The following STAG1 variants were observed in gnomAD, a reference collection of about 807,000 sequenced individuals.
STAG1 encodes the protein cohesin subunit SA-1.
STAG1 carries 26 observed loss-of-function variants against 170.9 expected under a neutral mutation model. The observed-to-expected ratio is 0.15, with a 90% confidence interval of 0.11 to 0.21. STAG1 has a LOEUF of 0.21. Ranked by LOEUF, STAG1 falls within the 10% of genes least tolerant of loss-of-function variation. STAG1 has a pLI of 1.00. For missense variants in STAG1, 964 were observed against 1,509.5 expected, an observed-to-expected ratio of 0.64 and a Z score of 5.99; for synonymous variants, 514 against 497.7, an observed-to-expected ratio of 1.03 and a Z score of -0.44.
At chr3:136,745,545 G>A (rs1934892856) in intron 1 of STAG1, among the ~76,000 whole-genome samples, 1 of 152,160 alleles carries the variant, frequency 6.6e-6, no homozygotes, top group African/African-American at 2.4e-5. Flanking sequence ...CCTTGTATGT[G>A]CAGTTCACAA....
chr3:136,741,064 T>C (rs534807810), intron 1 of STAG1, among the ~76,000 whole-genome samples: 2 of 152,330 alleles, frequency 1.3e-5, no homozygotes, highest in African/African-American at 2.4e-5. Flanking sequence ...GAAGCCTTTG[T>C]TCCAATCTTT....
Position 136,520,760 on chromosome 3 carries a change from G to C in STAG1, c.676+453C>G, listed in dbSNP as rs539538055. On this transcript the variant is annotated intron_variant, in intron 7 of 33. Coordinates refer to ENST00000383202, the MANE Select transcript of STAG1 (RefSeq NM_005862.3). ...TTAAGTTATTATAGCACTAGGAATA[G>C]GAAGAATGTTTGTTACCCTAATGGA... Among the ~76,000 whole-genome samples, 21 of 152,182 alleles carry C rather than the reference G, an allele frequency of 1.4e-4. No individual in the cohort carries two copies. In the South Asian group the frequency reaches 3.7e-3, roughly 27 times the overall value.
intron 1 of STAG1, among the ~76,000 whole-genome samples, chr3:136,657,770 C>A (rs941051304): frequency 3.9e-5 from 6 of 152,038 alleles, no homozygotes; most frequent in Non-Finnish European, 7.4e-5. Flanking sequence ...TGCAGTGAGC[C>A]AAGATGGCAC....
chr3:136,651,816 C>G (rs1941229590), intron 1 of STAG1, among the ~76,000 whole-genome samples: 1 of 152,100 alleles, frequency 6.6e-6, no homozygotes, highest in African/African-American at 2.4e-5. Flanking sequence ...CCAACGGACC[C>G]TGAGATACTT....
intron 28 of STAG1, among the ~76,000 whole-genome samples, chr3:136,356,777 G>C (rs1936672509): frequency 6.6e-6 from 1 of 152,012 alleles, no homozygotes; most frequent in African/African-American, 2.4e-5. Context: ...TATTGAGACG[G>C]AGTCTCGCTC....
In STAG1 at chr3:136,336,405, C is replaced by T. The variant is rs1156607113; in HGVS notation, c.*1849G>A. On this transcript the variant is annotated 3_prime_UTR_variant, in exon 34 of 34. Transcript: ENST00000383202. The stretch of plus-strand genomic sequence containing the variant: ...TTGACTTCAAACTGAACTGGAAACC[C>T]ATTGGAGTAGATATTTAGCCTTTTT... 2 of 152,202 alleles carry T rather than the reference C, an allele frequency of 1.3e-5. No homozygotes were observed. Among genetic ancestry groups the T allele is most frequent in the Admixed American group, 1.3e-4 (2 of 15,278 alleles). The allele number at this position is 152,202 out of a possible 1,614,324, so 9.4% of individuals were successfully genotyped here. A position where few individuals can be genotyped will look rare whatever the true frequency, so the allele number is the denominator to read the frequency against.
chr3:136,736,494 C>T, intron 1 of STAG1: 3 of 1,372,630 alleles, frequency 2.2e-6, no homozygotes, highest in Non-Finnish European at 3.1e-6. Context: ...CCCGGGTGGT[C>T]ATTCACGCTG....
intron 5 of STAG1, among the ~76,000 whole-genome samples, chr3:136,556,088 G>A (rs1032677233): frequency 1.3e-5 from 2 of 152,122 alleles, no homozygotes; most frequent in African/African-American, 4.8e-5. Context: ...TGGTAGACAT[G>A]CTTTTCTGTA....
At chr3:136,697,336 T>TGC (rs1389796800) in intron 1 of STAG1, among the ~76,000 whole-genome samples, 5 of 152,226 alleles carry the variant, frequency 3.3e-5, no homozygotes, top group Non-Finnish European at 5.9e-5. Flanking sequence ...TAAAAGCATC[T>TGC]GCATCAACTG....
chr3:136,690,068 A>T (rs936478383), intron 1 of STAG1, among the ~76,000 whole-genome samples: 8 of 150,922 alleles, frequency 5.3e-5, no homozygotes, highest in Non-Finnish European at 7.4e-5. Context: ...AAAAAAAAAA[A>T]AAAAAAAAAA....
chr3:136,535,107 G>C (rs1022397831), intron 6 of STAG1, among the ~76,000 whole-genome samples: 2 of 152,154 alleles, frequency 1.3e-5, no homozygotes, highest in Non-Finnish European at 2.9e-5. Context: ...AATAGAACTG[G>C]ACATCCTTAT....
At chr3:136,379,689 A>G (rs978044969) in intron 22 of STAG1, among the ~76,000 whole-genome samples, 2 of 152,212 alleles carry the variant, frequency 1.3e-5, no homozygotes, top group Non-Finnish European at 2.9e-5. Context: ...AGCCCGGTCA[A>G]TAGAGCAAGA....
intron 1 of STAG1, among the ~76,000 whole-genome samples, chr3:136,711,000 T>C (rs1438366921): frequency 6.6e-6 from 1 of 151,702 alleles, no homozygotes; most frequent in African/African-American, 2.4e-5. Context: ...ACAAAAACCT[T>C]TGCTATAAAA....
intron 1 of STAG1, chr3:136,737,305 T>A: frequency 2.4e-6 from 1 of 420,228 alleles, no homozygotes; most frequent in Non-Finnish European, 4.6e-6. Context: ...GGTTTCACTA[T>A]GTTGGCCAGG....
At chr3:136,406,730 G>C (rs576401308) in intron 21 of STAG1, among the ~76,000 whole-genome samples, 75 of 152,192 alleles carry the variant, frequency 4.9e-4, no homozygotes, top group Non-Finnish European at 3.2e-4. Flanking sequence ...TCAATGTACT[G>C]TATTATTAGC....
At chr3:136,440,612 G>A (rs1442088161) in intron 15 of STAG1, among the ~76,000 whole-genome samples, 1 of 151,980 alleles carries the variant, frequency 6.6e-6, no homozygotes, top group Non-Finnish European at 1.5e-5. Context: ...CTAACCTGAG[G>A]CCCTTTACTC....
intron 1 of STAG1, among the ~76,000 whole-genome samples, chr3:136,679,386 C>A (rs191557262): frequency 5.0e-4 from 76 of 151,960 alleles, no homozygotes; most frequent in African/African-American, 1.8e-3. Flanking sequence ...TCGAGACCAG[C>A]CTGTCCAACA....
intron 5 of STAG1, among the ~76,000 whole-genome samples, chr3:136,563,083 G>A (rs1013523838): frequency 2.0e-5 from 3 of 152,156 alleles, no homozygotes; most frequent in Non-Finnish European, 2.9e-5. Flanking sequence ...AATTAGCTCC[G>A]TAACTTGCAA....
At chr3:136,632,731 G>A (rs1940380831) in intron 1 of STAG1, among the ~76,000 whole-genome samples, 1 of 152,072 alleles carries the variant, frequency 6.6e-6, no homozygotes, top group Admixed American at 6.6e-5. Flanking sequence ...CTAAAAGCAT[G>A]GTCAGAGGAG....
Sources: gnomAD v4.1 joint callset for allele counts (sites outside exome capture counted in the v4.1 genomes callset) on GRCh38, gnomAD v4.1.1 for gene constraint, MANE v1.5 for transcripts, NCBI Gene and HGNC (gene_info 2026-07-23, HGNC 2026-07-21) for gene names.